Variants in VRK2 observed in about 807,000 individuals in gnomAD.
The protein encoded by VRK2 is serine/threonine-protein kinase VRK2.
Under a neutral mutation model 57.6 loss-of-function variants are expected in VRK2, and 60 were observed. That is an observed-to-expected ratio of 1.04 (90% CI 0.85 to 1.29). The LOEUF (loss-of-function observed/expected upper bound fraction) is 1.29, where lower values mean the gene tolerates loss of function less well. Ranked by LOEUF, VRK2 falls within the 50% of genes most tolerant of loss-of-function variation. The pLI, the probability that VRK2 is intolerant of heterozygous loss-of-function variation, is 0.00. For synonymous variants in VRK2, 231 were observed against 199.2 expected, an observed-to-expected ratio of 1.16 and a Z score of -1.35; for missense variants, 705 against 588.1, an observed-to-expected ratio of 1.20 and a Z score of -2.06.
At chr2:57,990,553 T>C (rs188792980) in intron 1 of VRK2, among the ~76,000 whole-genome samples, 1 of 152,262 alleles carries the variant, frequency 6.6e-6, no homozygotes, top group Admixed American at 6.5e-5. Context: ...AAAAAGATCA[T>C]CAGAAAACAG....
chr2:57,913,149 A>G (rs571195433), intron 1 of VRK2, among the ~76,000 whole-genome samples: 1 of 152,316 alleles, frequency 6.6e-6, no homozygotes, highest in Admixed American at 6.5e-5. Flanking sequence ...TGAAACATGG[A>G]CATTCTAAGA....
chr2:57,998,226 G>C (rs1368163885), intron 1 of VRK2, among the ~76,000 whole-genome samples: 2 of 152,110 alleles, frequency 1.3e-5, no homozygotes, highest in African/African-American at 2.4e-5. Context: ...ACTATGATAA[G>C]TAATCGTAAA....
At chr2:58,028,616 C>G (rs886638528) in intron 2 of VRK2, among the ~76,000 whole-genome samples, 37 of 151,756 alleles carry the variant, frequency 2.4e-4, no homozygotes, top group African/African-American at 7.0e-4. Flanking sequence ...AACCACCATT[C>G]TCAGCAAACT....
intron 3 of VRK2, among the ~76,000 whole-genome samples, chr2:58,041,556 G>C (rs1674456299): frequency 6.6e-6 from 1 of 151,732 alleles, no homozygotes; most frequent in Non-Finnish European, 1.5e-5. Flanking sequence ...ACCAGGCCCT[G>C]AAAAAAAATG....
chr2:58,000,149 C>T (rs555688266), intron 1 of VRK2, among the ~76,000 whole-genome samples: 1 of 152,260 alleles, frequency 6.6e-6, no homozygotes, highest in African/African-American at 2.4e-5. Context: ...GAGCTCCCTG[C>T]TCTTAAACTA....
chr2:58,054,970 T>A (rs553147123), intron 2 of VRK2, among the ~76,000 whole-genome samples: 2 of 152,190 alleles, frequency 1.3e-5, no homozygotes, highest in Admixed American at 6.5e-5. Flanking sequence ...CCAGGTAGAT[T>A]TATCTTTTCT....
At chr2:57,982,742 C>T (rs1167431161) in intron 1 of VRK2, among the ~76,000 whole-genome samples, 1 of 152,178 alleles carries the variant, frequency 6.6e-6, no homozygotes, top group Non-Finnish European at 1.5e-5. Context: ...ACAAGCAAGA[C>T]AGCCCTGAAC....
intron 1 of VRK2, among the ~76,000 whole-genome samples, chr2:58,048,131 T>G (rs920726131): frequency 6.6e-5 from 10 of 152,244 alleles, no homozygotes; most frequent in Non-Finnish European, 1.5e-4. Flanking sequence ...GTTGCATGGC[T>G]GTGCTGTGGA....
chr2:57,974,260 A>G (rs137864795), intron 1 of VRK2, among the ~76,000 whole-genome samples: 34 of 152,120 alleles, frequency 2.2e-4, no homozygotes, highest in African/African-American at 7.7e-4. Flanking sequence ...ATATTTTATA[A>G]TATCTTTCTT....
intron 3 of VRK2, among the ~76,000 whole-genome samples, chr2:58,040,479 T>A (rs1195249221): frequency 6.6e-6 from 1 of 152,226 alleles, no homozygotes; most frequent in Non-Finnish European, 1.5e-5. Flanking sequence ...GAGGAAAACC[T>A]AAATACACTG....
intron 7 of VRK2, among the ~76,000 whole-genome samples, chr2:58,102,578 C>T (rs1295463512): frequency 6.7e-6 from 1 of 149,392 alleles, no homozygotes; most frequent in African/African-American, 2.4e-5. Context: ...ATATACATGC[C>T]CTGAACTCAG....
In VRK2 at chr2:58,046,854, G is replaced by C; in HGVS notation, c.-20G>C. 1 of 985,398 alleles carries C rather than the reference G, an allele frequency of 1.0e-6. No individual in the cohort carries two copies. The highest frequency in any genetic ancestry group is 1.7e-5 in the African/African-American group (1 of 57,366). 61.0% of individuals were successfully genotyped at this position (985,398 alleles called of 1,614,324 possible). ...GCGGTGCGCGCGGCCCGGCGACGGG[G>C]GATCCTGAGGCCCGGTCAGTCTCTT... On this transcript the variant is annotated 5_prime_UTR_variant, in exon 1 of 13. Transcript: ENST00000340157.
At chr2:57,999,924 T>C (rs1572761550) in intron 1 of VRK2, among the ~76,000 whole-genome samples, 1 of 152,010 alleles carries the variant, frequency 6.6e-6, no homozygotes, top group Admixed American at 6.6e-5. Context: ...AGAAGGATCA[T>C]CTTGAGGCCA....
intron 7 of VRK2, among the ~76,000 whole-genome samples, chr2:58,119,318 T>C (rs1677042214): frequency 6.8e-6 from 1 of 146,954 alleles, no homozygotes; most frequent in Admixed American, 6.8e-5. Flanking sequence ...GCTAACATGG[T>C]GAAACCCCAT....
intron 2 of VRK2, among the ~76,000 whole-genome samples, chr2:58,055,813 CAG>C (rs753526739): frequency 6.6e-6 from 1 of 152,154 alleles, no homozygotes; most frequent in Non-Finnish European, 1.5e-5. Flanking sequence ...CATCCAGAAA[CAG>C]AAAGATTTTT....
At chr2:58,106,399 A>G (rs1674758235) in intron 7 of VRK2, among the ~76,000 whole-genome samples, 1 of 152,074 alleles carries the variant, frequency 6.6e-6, no homozygotes, top group African/African-American at 2.4e-5. Flanking sequence ...TTAGAATAGA[A>G]AAGCAGATCA....
chr2:58,083,884 TAGTG>T (rs945509241), intron 2 of VRK2, among the ~76,000 whole-genome samples: 12 of 151,836 alleles, frequency 7.9e-5, no homozygotes, highest in African/African-American at 1.4e-4. Context: ...TATTACCTCT[TAGTG>T]AGCAATTTAT....
chr2:58,047,164 A>C (rs1674911123), intron 1 of VRK2: 1 of 300,960 alleles, frequency 3.3e-6, no homozygotes, highest in South Asian at 1.3e-4. Context: ...GTGCAGAGAG[A>C]ACTTGTGGCG....
At chr2:58,043,761 G>C (rs1352526846), upstream of VRK2, among the ~76,000 whole-genome samples, 1 of 152,194 alleles carries the variant, frequency 6.6e-6, no homozygotes, top group Non-Finnish European at 1.5e-5. Context: ...TGCGAATGCT[G>C]GGTTGTATGT....
Sources: allele counts gnomAD v4.1 joint callset (sites outside exome capture counted in the v4.1 genomes callset), GRCh38; gene constraint gnomAD v4.1.1; transcripts MANE v1.5; gene names NCBI Gene and HGNC (gene_info 2026-07-23, HGNC 2026-07-21).